TRHDE: variants seen among roughly 807,000 people sequenced by gnomAD.
TRHDE encodes the protein thyrotropin releasing hormone degrading enzyme.
In TRHDE, 72 loss-of-function variants were observed where a neutral mutation model predicts 125.7. The ratio of observed to expected loss-of-function variants is 0.57; its 90% confidence interval spans 0.47 to 0.70. The LOEUF (loss-of-function observed/expected upper bound fraction) is 0.70, where lower values mean the gene tolerates loss of function less well. TRHDE is among the 30% of genes least tolerant of loss of function. The pLI is 0.00. For synonymous variants in TRHDE, 509 were observed against 509.1 expected (o/e 1.00, Z 0.00); for missense variants, 1,110 against 1,327.1 (o/e 0.84, Z 2.54).
chr12:72,159,777 T>A (rs890241828), intron 2 of TRHDE, among the ~76,000 whole-genome samples: 2 of 152,300 alleles, frequency 1.3e-5, no homozygotes, highest in African/African-American at 4.8e-5. Flanking sequence ...CTCTACATTA[T>A]GGATTTTGTT....
intron 3 of TRHDE, among the ~76,000 whole-genome samples, chr12:72,466,459 G>C (rs538206711): frequency 6.8e-4 from 104 of 152,272 alleles, no homozygotes; most frequent in African/African-American, 2.2e-3. Context: ...AATGACACCA[G>C]GCCTGCTACT....
At chr12:72,406,128 CT>C (rs1229228887) in intron 3 of TRHDE, among the ~76,000 whole-genome samples, 1 of 152,116 alleles carries the variant, frequency 6.6e-6, no homozygotes, top group East Asian at 1.9e-4. Flanking sequence ...AAATAATATG[CT>C]GTATTATTTC....
At chr12:72,593,801 TG>T (rs1871800698) in intron 12 of TRHDE, among the ~76,000 whole-genome samples, 1 of 152,212 alleles carries the variant, frequency 6.6e-6, no homozygotes, top group Non-Finnish European at 1.5e-5. Context: ...TTGCTCAAAA[TG>T]ATGGTTTCCA....
intron 2 of TRHDE, among the ~76,000 whole-genome samples, chr12:72,304,496 G>A (rs918324193): frequency 2.0e-5 from 3 of 152,090 alleles, no homozygotes; most frequent in Non-Finnish European, 4.4e-5. Flanking sequence ...AAGCTTCACA[G>A]GAAATCTGAT....
At chr12:72,583,881 T>C in intron 12 of TRHDE, among the ~76,000 whole-genome samples, 1 of 150,878 alleles carries the variant, frequency 6.6e-6, no homozygotes, top group Middle Eastern at 3.2e-3. Flanking sequence ...ACAAATCTCC[T>C]GAGGCATTAA....
intron 3 of TRHDE, among the ~76,000 whole-genome samples, chr12:72,427,571 G>A (rs1036771069): frequency 6.6e-6 from 1 of 152,066 alleles, no homozygotes; most frequent in Non-Finnish European, 1.5e-5. Context: ...TTAGAGAAAA[G>A]TATCACTACA....
chr12:72,153,635 G>A (rs531611527), intron 2 of TRHDE, among the ~76,000 whole-genome samples: 1 of 152,140 alleles, frequency 6.6e-6, no homozygotes, highest in East Asian at 1.9e-4. Context: ...CTTTATTTCT[G>A]CCTTCATTTT....
intron 2 of TRHDE, among the ~76,000 whole-genome samples, chr12:72,367,140 CT>C (rs2135758632): frequency 6.6e-6 from 1 of 152,168 alleles, no homozygotes; most frequent in South Asian, 2.1e-4. Flanking sequence ...AGAATGAGTT[CT>C]TCGACTATGG....
chr12:72,527,575 G>A (rs1449606864), intron 6 of TRHDE, among the ~76,000 whole-genome samples: 2 of 149,404 alleles, frequency 1.3e-5, no homozygotes, highest in African/African-American at 2.5e-5. Context: ...GGGAATGATA[G>A]TAAGAGGAGT....
chr12:72,552,016 G>A (rs554612119), intron 7 of TRHDE, among the ~76,000 whole-genome samples: 166 of 152,226 alleles, frequency 1.1e-3, no homozygotes, highest in African/African-American at 3.8e-3. Context: ...AGAAACTGGT[G>A]GATGAGTAGA....
At chr12:72,614,368 G>T (rs945482529) in intron 12 of TRHDE, among the ~76,000 whole-genome samples, 2 of 138,716 alleles carry the variant, frequency 1.4e-5, no homozygotes, top group Middle Eastern at 4.0e-3. Context: ...ATTAGCTGTT[G>T]GTTGACAGAG....
chr12:72,488,326 T>G (rs2135922586), intron 5 of TRHDE, among the ~76,000 whole-genome samples: 1 of 152,132 alleles, frequency 6.6e-6, no homozygotes, highest in East Asian at 1.9e-4. Context: ...AAGGACTCCA[T>G]GTAAATTGTA....
upstream of TRHDE, among the ~76,000 whole-genome samples, chr12:72,270,057 T>C (rs1879161686): frequency 6.6e-6 from 1 of 152,152 alleles, no homozygotes; most frequent in Non-Finnish European, 1.5e-5. Flanking sequence ...GTCAGAGAAG[T>C]CTGGTGACCT....
chr12:72,097,553 G>C (rs1301309206), intron 1 of TRHDE, among the ~76,000 whole-genome samples: 1 of 149,338 alleles, frequency 6.7e-6, no homozygotes, highest in African/African-American at 2.5e-5. Context: ...GGGATCAAGA[G>C]ATTCTCCCAC....
rs778248162 is a variant in TRHDE, at chr12:72,562,998, A to C, written c.2000A>C (p.Asp667Ala). The change falls in exon 9 of 19, where the codon GAT becomes GCT. Residue 667 changes from aspartate (D) to alanine (A), a missense_variant. Asp to Ala is a moderately radical substitution (Grantham distance 126, BLOSUM62 -2). Transcript: ENST00000261180. ...IIITQQHFIY[D>A]ISAKTKALKL... ...ATTACCCAACAGCATTTTATCTATGATATCAGTGCTAAAACTAAAGCACTT... is the reference window on the plus strand; with the variant it reads ...ATTACCCAACAGCATTTTATCTATGCTATCAGTGCTAAAACTAAAGCACTT... The C allele has an allele frequency of 1.9e-6, 3 of 1,607,968 alleles. No individual in the cohort carries two copies. Among genetic ancestry groups the C allele is most frequent in the South Asian group, 2.2e-5 (2 of 89,690 alleles).
intron 6 of TRHDE, among the ~76,000 whole-genome samples, chr12:72,537,370 G>A (rs780346797): frequency 2.6e-5 from 4 of 151,944 alleles, no homozygotes; most frequent in African/African-American, 4.8e-5. Context: ...GGATTATGGG[G>A]GCGGTTTCCC....
At chr12:72,137,115 G>T (rs1876003928) in intron 2 of TRHDE, among the ~76,000 whole-genome samples, 1 of 152,166 alleles carries the variant, frequency 6.6e-6, no homozygotes, top group Non-Finnish European at 1.5e-5. Context: ...GCAAGTAGAG[G>T]ACTCAGAGTC....
At chr12:72,502,624 T>G (rs935686586) in intron 6 of TRHDE, among the ~76,000 whole-genome samples, 3 of 152,134 alleles carry the variant, frequency 2.0e-5, no homozygotes, top group African/African-American at 7.2e-5. Flanking sequence ...GAATATGTAT[T>G]CCACTAGTGT....
intron 12 of TRHDE, among the ~76,000 whole-genome samples, chr12:72,587,412 T>A (rs1051762596): frequency 6.6e-5 from 10 of 152,132 alleles, no homozygotes; most frequent in Non-Finnish European, 1.3e-4. Flanking sequence ...AGCGTAGACA[T>A]TAATGAATTT....
Sources: gnomAD v4.1 joint callset for allele counts (sites outside exome capture counted in the v4.1 genomes callset) on GRCh38, gnomAD v4.1.1 for gene constraint, MANE v1.5 for transcripts, NCBI Gene and HGNC (gene_info 2026-07-23, HGNC 2026-07-21) for gene names.